The following PATJ variants were observed in gnomAD, a reference collection of about 807,000 sequenced individuals.
The protein encoded by PATJ is PATJ crumbs cell polarity complex component.
In PATJ, 190 loss-of-function variants were observed where a neutral mutation model predicts 224.9. The observed-to-expected ratio is 0.84, with a 90% confidence interval of 0.75 to 0.95. The LOEUF (loss-of-function observed/expected upper bound fraction) is 0.95. Among genes scored for constraint, PATJ ranks in the 40% least tolerant of loss-of-function variants. The pLI, the probability that PATJ is intolerant of heterozygous loss-of-function variation, is 0.00. For missense variants in PATJ, 2,121 were observed against 2,270.3 expected, an observed-to-expected ratio of 0.93 and a Z score of 1.34; for synonymous variants, 769 against 820.3, an observed-to-expected ratio of 0.94 and a Z score of 1.07.
At chr1:61,806,657 C>T (rs1428899859) in intron 13 of PATJ, among the ~76,000 whole-genome samples, 2 of 151,620 alleles carry the variant, frequency 1.3e-5, no homozygotes, top group African/African-American at 2.4e-5. Context: ...ACAATTCACA[C>T]TTTCTCTTGG....
At chr1:61,883,240 C>A (rs980530153) in intron 21 of PATJ, among the ~76,000 whole-genome samples, 1 of 152,152 alleles carries the variant, frequency 6.6e-6, no homozygotes. Flanking sequence ...TTGTCCCCAC[C>A]ATACTTCTCA....
chr1:61,871,913 T>C (rs1409457717), intron 20 of PATJ, among the ~76,000 whole-genome samples: 10 of 140,420 alleles, frequency 7.1e-5, no homozygotes, highest in Admixed American at 5.8e-4. Context: ...TCCATGTTGG[T>C]CAGGCTGGTC....
chr1:61,900,477 T>TA (rs1670972796), intron 23 of PATJ, among the ~76,000 whole-genome samples: 1 of 152,192 alleles, frequency 6.6e-6, no homozygotes, highest in Non-Finnish European at 1.5e-5. Flanking sequence ...ACCACAGAGT[T>TA]AAACCTGCTG....
intron 31 of PATJ, chr1:62,073,349 A>G (rs1452245021): frequency 1.0e-6 from 1 of 984,204 alleles, no homozygotes; most frequent in Non-Finnish European, 1.2e-6. Context: ...CTGGCTGGGC[A>G]TGGTGGCTCA....
intron 29 of PATJ, among the ~76,000 whole-genome samples, chr1:62,031,598 C>T (rs61775655): frequency 0.13 from 20,141 of 152,110 alleles, 1,538 homozygotes; most frequent in Middle Eastern, 0.26. Context: ...CGCCTGGACT[C>T]ACCTAGGGAT....
chr1:62,153,435 G>A lies in PATJ; in HGVS notation c.5456G>A (p.Ser1819Asn), dbSNP rs928122105. ...LGFSIVGGYG[S>N]PHGDLPIYVK... The stretch of plus-strand genomic sequence containing the variant: ...TTTAGTATTGTAGGGGGTTATGGAA[G>A]TCCCCATGGAGACCTGCCAATTTAT... The change falls in exon 43 of 44, where the codon AGT becomes AAT. Residue 1819 changes from serine to asparagine, a missense_variant. By Grantham distance (46) the Ser-to-Asn change is conservative (BLOSUM62 1). Coordinates refer to ENST00000642238, the MANE Select transcript of PATJ (RefSeq NM_001350145.3). 1.8e-5 allele frequency: 22 copies of A among 1,230,968 alleles called. No homozygotes were observed. The highest frequency in any genetic ancestry group is 3.1e-4 in the Middle Eastern group (1 of 3,226). 76.3% of individuals were successfully genotyped at this position (1,230,968 alleles called of 1,614,324 possible).
intron 33 of PATJ, among the ~76,000 whole-genome samples, chr1:62,107,175 G>A (rs879433415): frequency 7.9e-5 from 12 of 151,906 alleles, no homozygotes; most frequent in Non-Finnish European, 1.6e-4. Context: ...ACGTGGTGGC[G>A]GGCACCTGTA....
chr1:62,048,836 A>G (rs868569184), intron 30 of PATJ, among the ~76,000 whole-genome samples: 4 of 152,164 alleles, frequency 2.6e-5, no homozygotes, highest in African/African-American at 9.7e-5. Flanking sequence ...AGAAATGCCC[A>G]TTGAAGCATT....
At chr1:62,147,875 A>G (rs1668210056) in intron 41 of PATJ, among the ~76,000 whole-genome samples, 1 of 151,788 alleles carries the variant, frequency 6.6e-6, no homozygotes, top group South Asian at 2.1e-4. Flanking sequence ...AGGCAGGAGA[A>G]TCATTTGAAC....
At chr1:62,084,847 G>A (rs772197555) in intron 33 of PATJ, among the ~76,000 whole-genome samples, 199 bp downstream of exon 33, 1 of 152,160 alleles carries the variant, frequency 6.6e-6, no homozygotes, top group East Asian at 1.9e-4. Flanking sequence ...GCTGGGCGCG[G>A]TGGCTCACAC....
chr1:62,075,605 G>A (rs1036152919), intron 31 of PATJ, among the ~76,000 whole-genome samples: 5 of 152,124 alleles, frequency 3.3e-5, no homozygotes, highest in African/African-American at 1.2e-4. Flanking sequence ...CTGATGAAGT[G>A]TAAATCCTTT....
intron 20 of PATJ, among the ~76,000 whole-genome samples, chr1:61,871,512 C>T (rs920169559): frequency 6.7e-4 from 15 of 22,280 alleles, no homozygotes; most frequent in Admixed American, 1.3e-3. Context: ...CATATATACG[C>T]ATATATATAA....
intron 32 of PATJ, among the ~76,000 whole-genome samples, chr1:62,084,302 A>G (rs2148754814): frequency 6.6e-6 from 1 of 152,218 alleles, no homozygotes; most frequent in African/African-American, 2.4e-5. Context: ...AGTAAAATTG[A>G]TGGGTTGAGG....
intron 17 of PATJ, among the ~76,000 whole-genome samples, chr1:61,842,266 C>T (rs575527856): frequency 2.0e-5 from 3 of 152,286 alleles, no homozygotes; most frequent in Admixed American, 1.3e-4. Context: ...AGTGAGGCAG[C>T]TGCAGGGGGA....
chr1:61,966,674 G>A (rs929032734), intron 27 of PATJ, among the ~76,000 whole-genome samples: 34 of 138,448 alleles, frequency 2.5e-4, no homozygotes, highest in African/African-American at 8.3e-4. Flanking sequence ...CGACAAGAGC[G>A]AGACTTCATC....
At chr1:62,002,684 G>A (rs563148344) in intron 28 of PATJ, among the ~76,000 whole-genome samples, 20 of 145,710 alleles carry the variant, frequency 1.4e-4, no homozygotes, top group Non-Finnish European at 2.5e-4. Flanking sequence ...ACTCAAACCT[G>A]GGCAACAAGA....
chr1:61,816,089 T>C (rs149727021), intron 14 of PATJ, among the ~76,000 whole-genome samples: 47 of 152,288 alleles, frequency 3.1e-4, no homozygotes, highest in African/African-American at 1.1e-3. Flanking sequence ...AATTTAACTT[T>C]ATTTCTCTCT....
At chr1:61,808,335 T>C in intron 13 of PATJ, 139 bp from the exon 14 acceptor site, 2 of 648,448 alleles carry the variant, frequency 3.1e-6, no homozygotes, top group Non-Finnish European at 5.6e-6. Flanking sequence ...TGTTATAGAT[T>C]TCAAAAATAT....
rs1222367280 is a variant in PATJ, at chr1:61,826,218, T to TTACAGGTCCA, written c.1819-1204_1819-1203insTACAGGTCCA. 6.6e-5 allele frequency among the ~76,000 whole-genome samples: 10 copies of TTACAGGTCCA among 152,186 alleles called. 1 individual carries two copies. The highest frequency in any genetic ancestry group is 2.4e-4 in the African/African-American group (10 of 41,520). Reference sequence around the variant, plus strand: ...GCTTGATATGTTACAGGCTTGAGAGTGGTTCCCAGGAATAGTGGACCTGAG... The same window carrying TTACAGGTCCA: ...GCTTGATATGTTACAGGCTTGAGAGTTACAGGTCCAGGTTCCCAGGAATAGTGGACCTGAG... On this transcript the variant is annotated intron_variant, in intron 15 of 43. Transcript: ENST00000642238.
Sources: allele counts gnomAD v4.1 joint callset (sites outside exome capture counted in the v4.1 genomes callset), GRCh38; gene constraint gnomAD v4.1.1; transcripts MANE v1.5; gene names NCBI Gene and HGNC (gene_info 2026-07-23, HGNC 2026-07-21).